RABEPK: variants seen among roughly 807,000 people sequenced by gnomAD.
RABEPK encodes the protein Rab9 effector protein with kelch motifs.
A neutral mutation model predicts 34.1 loss-of-function variants in RABEPK; 27 were observed. The observed-to-expected ratio is 0.79, with a 90% CI of 0.58 to 1.09. RABEPK has a LOEUF of 1.09. Ranked by LOEUF, RABEPK falls within the 50% of genes least tolerant of loss-of-function variation. RABEPK has a pLI of 0.00. For missense variants in RABEPK, 449 were observed against 462.6 expected (o/e 0.97, Z 0.27); for synonymous variants, 172 against 169.2 (o/e 1.02, Z -0.13).
intron 3 of RABEPK, among the ~76,000 whole-genome samples, chr9:125,208,415 C>T (rs142050939): frequency 4.7e-4 from 72 of 152,196 alleles, no homozygotes; most frequent in African/African-American, 1.7e-3. Context: ...TCTTATTGCC[C>T]AGGCTGGAGT....
chr9:125,209,249 T>G (rs1262234844), intron 3 of RABEPK, among the ~76,000 whole-genome samples: 5 of 150,384 alleles, frequency 3.3e-5, no homozygotes, highest in Non-Finnish European at 7.4e-5. Flanking sequence ...TTAGTAGAGA[T>G]GGGGTTTCAC....
At chr9:125,223,948 C>T (rs1034296469) in intron 5 of RABEPK, among the ~76,000 whole-genome samples, 5 of 152,030 alleles carry the variant, frequency 3.3e-5, no homozygotes, top group African/African-American at 1.2e-4. Flanking sequence ...TGGGAGGCCA[C>T]TTTGGGACAC....
chr9:125,213,340 A>C (rs1164374535), intron 3 of RABEPK, 30 bp from the exon 4 acceptor site: 8 of 1,601,524 alleles, frequency 5.0e-6, no homozygotes. Flanking sequence ...TGGCAGCCCC[A>C]ATCTAGGAAC....
chr9:125,223,914 C>T (rs1261811060), intron 5 of RABEPK, among the ~76,000 whole-genome samples: 1 of 151,980 alleles, frequency 6.6e-6, no homozygotes, highest in Non-Finnish European at 1.5e-5. Context: ...AGGCTGGGCG[C>T]AGTGGCTCAT....
rs141581578 is a variant in RABEPK at position 125,233,900 on chromosome 9, A to C, written c.1039A>C (p.Thr347Pro). The C allele has an allele frequency of 5.6e-6, 9 of 1,613,474 alleles. No homozygotes were observed. Among genetic ancestry groups the C allele is most frequent in the African/African-American group, 1.3e-5 (1 of 74,900 alleles). Residue 347 changes from threonine (T) to proline (P), a missense_variant, in exon 8 of 8, where the codon ACA becomes CCA. Physicochemically the swap from Thr to Pro is conservative, Grantham distance 38. Coordinates refer to ENST00000373538, the MANE Select transcript of RABEPK (RefSeq NM_005833.4). ...CTCACATGAGGAAAGCCAGACTGCT[A>C]CACTGCTCTGTTTGGTGTTTGGTGG... ...GDSHEESQTATLLCLVFGGMN... is the reference protein window; with the variant it reads ...GDSHEESQTAPLLCLVFGGMN...
intron 6 of RABEPK, among the ~76,000 whole-genome samples, chr9:125,232,179 G>A (rs1340465885): frequency 6.6e-6 from 1 of 151,580 alleles, no homozygotes; most frequent in African/African-American, 2.4e-5. Context: ...GATTACAGGC[G>A]TGAGCCACCG....
rs1564168131 is a variant in RABEPK, at chr9:125,200,859, A to G, written c.-54A>G. Reference sequence around the variant, plus strand: ...GGTCCCGCCCACGTGAAGCCAGCCTAACTGAGCTCTGGACTTTGGGGACAG... The same window carrying G: ...GGTCCCGCCCACGTGAAGCCAGCCTGACTGAGCTCTGGACTTTGGGGACAG... On this transcript the variant is annotated 5_prime_UTR_variant, in exon 1 of 8. It removes the in-frame stop codon of an upstream open reading frame in the 5' UTR. Transcript: ENST00000373538. The G allele has an allele frequency of 2.1e-6, 1 of 471,190 alleles. No individual in the cohort carries two copies. The highest frequency in any genetic ancestry group is 4.4e-6 in the Non-Finnish European group (1 of 227,050). 29.2% of individuals were successfully genotyped at this position (471,190 alleles called of 1,614,324 possible). A position where few individuals can be genotyped will look rare whatever the true frequency, so the allele number is the denominator to read the frequency against.
Position 125,220,655 on chromosome 9 carries a change from G to A in RABEPK, c.481G>A (p.Gly161Ser). ...ATATGTCTTTGGGGGCGGAGAGAGA[G>A]GTGCCCAGCCCGTGCAGGACACGAA... is the stretch of plus-strand genomic sequence containing the variant. ...QLYVFGGGER[G>S]AQPVQDTKLH... The change falls in exon 5 of 8, where the codon GGT (glycine) becomes AGT (serine). Residue 161 changes from glycine to serine, a missense_variant. Gly to Ser is a moderately conservative substitution (Grantham distance 56, BLOSUM62 0). Transcript: ENST00000373538. 6.2e-7 allele frequency: 1 copy of A among 1,614,196 alleles called. No individual in the cohort carries two copies. Among genetic ancestry groups the A allele is most frequent in the Non-Finnish European group, 8.5e-7 (1 of 1,180,040 alleles).
intron 6 of RABEPK, among the ~76,000 whole-genome samples, chr9:125,230,538 ATT>A (rs35131281): frequency 7.3e-6 from 1 of 137,590 alleles, no homozygotes; most frequent in Non-Finnish European, 1.6e-5. Flanking sequence ...GATGGAAACT[ATT>A]TTTTTTTTTT....
chr9:125,224,020 CCT>C (rs1831545281), intron 5 of RABEPK, among the ~76,000 whole-genome samples: 1 of 151,744 alleles, frequency 6.6e-6, no homozygotes, highest in African/African-American at 2.4e-5. Context: ...ATGATGAAAC[CCT>C]GTTTCAACTG....
intron 5 of RABEPK, 83 bp downstream of exon 5, chr9:125,220,783 A>G (rs958117049): frequency 4.9e-6 from 7 of 1,442,256 alleles, no homozygotes; most frequent in African/African-American, 1.4e-5. Context: ...AAGTTAGAAA[A>G]GGAAAGCCTG....
chr9:125,218,435 A>G (rs1831100423), intron 4 of RABEPK, among the ~76,000 whole-genome samples: 2 of 151,324 alleles, frequency 1.3e-5, no homozygotes, highest in East Asian at 1.9e-4. Context: ...CAGTTTCCTC[A>G]TCTAAAAGTA....
chr9:125,212,750 G>A (rs1830670005), intron 3 of RABEPK, among the ~76,000 whole-genome samples: 2 of 151,038 alleles, frequency 1.3e-5, no homozygotes, highest in South Asian at 4.2e-4. Context: ...GGTTTACCAA[G>A]TAAAATAACC....
rs781320838 is a variant in RABEPK, at chr9:125,207,671, G to C, written c.161G>C (p.Gly54Ala). The C allele has an allele frequency of 1.2e-6, 2 of 1,614,152 alleles. No homozygotes were observed. Among genetic ancestry groups the C allele is most frequent in the Admixed American group, 3.3e-5 (2 of 60,004 alleles). ...AAGAGAGGGAAGGTCTTCATTGTTG[G>C]GGGAGCAAATCCAAACAGAAGCTTC... The part of the protein sequence containing the change: ...NAKRGKVFIV[G>A]GANPNRSFSD... The change falls in exon 3 of 8, where the codon GGG (glycine) becomes GCG (alanine). Residue 54 changes from glycine (G) to alanine (A), a missense_variant. Coordinates refer to ENST00000373538, the MANE Select transcript of RABEPK (RefSeq NM_005833.4).
chr9:125,223,233 G>A (rs905696871), intron 5 of RABEPK, among the ~76,000 whole-genome samples: 1 of 151,898 alleles, frequency 6.6e-6, no homozygotes, highest in African/African-American at 2.4e-5. Context: ...GATTACCTGA[G>A]GTCAGGTAAT....
At chr9:125,216,216 C>G (rs1009604465) in intron 4 of RABEPK, among the ~76,000 whole-genome samples, 1 of 151,960 alleles carries the variant, frequency 6.6e-6, no homozygotes, top group African/African-American at 2.4e-5. Flanking sequence ...TCGCTTGAAC[C>G]CTGGAGGCAG....
chr9:125,229,115 G>A (rs1244454049), intron 6 of RABEPK, among the ~76,000 whole-genome samples: 1 of 151,632 alleles, frequency 6.6e-6, no homozygotes, highest in Non-Finnish European at 1.5e-5. Flanking sequence ...TTAGCCAGGC[G>A]TGGTGGTGCA....
rs1421084255 is a variant in RABEPK at position 125,213,586 on chromosome 9, CAT to C, written c.364+72_364+73del. The C allele has an allele frequency of 8.8e-6, 11 of 1,253,080 alleles. No homozygotes were observed. The Middle Eastern group carries it at 5.8e-4, about 66-fold the overall frequency. The allele number at this position is 1,253,080 out of a possible 1,614,324, so 77.6% of individuals were successfully genotyped here. A position where few individuals can be genotyped will look rare whatever the true frequency, so the allele number is the denominator to read the frequency against. ...ATAAACTTTCATGCACACACACACA[CAT>C]ATATATAAATCCAATTATAATTCCA... On this transcript the variant is annotated intron_variant, in intron 4 of 7. Transcript: ENST00000373538.
rs1254359522 is a variant in RABEPK, at chr9:125,234,017, AG to A, written c.*38del. ...TTTTTATTACCTGTCAGTTACTTTC[AG>A]AATAGTTAAGTAAAACATTAGCTGT... On this transcript the variant is annotated 3_prime_UTR_variant, in exon 8 of 8. Transcript: ENST00000373538. 6.6e-7 allele frequency: 1 copy of A among 1,503,912 alleles called. No homozygotes were observed. The highest frequency in any genetic ancestry group is 2.3e-5 in the East Asian group (1 of 44,018). 93.2% of individuals were successfully genotyped at this position (1,503,912 alleles called of 1,614,324 possible).
Sources: gnomAD v4.1 joint callset for allele counts (sites outside exome capture counted in the v4.1 genomes callset) on GRCh38, gnomAD v4.1.1 for gene constraint, MANE v1.5 for transcripts, NCBI Gene and HGNC (gene_info 2026-07-23, HGNC 2026-07-21) for gene names.